SNX9: variants seen among roughly 807,000 people sequenced by gnomAD.
SNX9 encodes the protein sorting nexin 9, also known as sorting nexin-9.
Under a neutral mutation model 89.4 loss-of-function variants are expected in SNX9, and 44 were observed. That is an observed-to-expected ratio of 0.49 (90% CI 0.39 to 0.63). The LOEUF (loss-of-function observed/expected upper bound fraction) is 0.63. SNX9 is among the 30% of genes least tolerant of loss of function. The pLI is 0.00. For missense variants in SNX9, 578 were observed against 736.1 expected (o/e 0.79, Z 2.49); for synonymous variants, 236 against 247.8 (o/e 0.95, Z 0.45).
chr6:157,831,997 A>C (rs1781487107), intron 1 of SNX9, among the ~76,000 whole-genome samples: 1 of 152,200 alleles, frequency 6.6e-6, no homozygotes, highest in South Asian at 2.1e-4. Flanking sequence ...AAGCTGTCAA[A>C]CTGTGGGCAT....
intron 1 of SNX9, among the ~76,000 whole-genome samples, chr6:157,863,713 CAA>C (rs911444197): frequency 6.6e-6 from 1 of 151,952 alleles, no homozygotes; most frequent in Non-Finnish European, 1.5e-5. Context: ...TAGTGGTAGA[CAA>C]GAGGGGTGAG....
chr6:157,904,424 T>A (rs1259707900), intron 6 of SNX9, among the ~76,000 whole-genome samples: 2 of 151,384 alleles, frequency 1.3e-5, no homozygotes, highest in African/African-American at 4.9e-5. Context: ...ACACAGAGAC[T>A]CTGTCTCCAA....
At chr6:157,836,802 C>G (rs9365485) in intron 1 of SNX9, among the ~76,000 whole-genome samples, 2 of 151,810 alleles carry the variant, frequency 1.3e-5, no homozygotes, top group Admixed American at 6.6e-5. Flanking sequence ...CATGTTAGCC[C>G]GGATGGTCTC....
intron 16 of SNX9, among the ~76,000 whole-genome samples, chr6:157,940,217 A>G (rs1784009917): frequency 6.6e-6 from 1 of 152,246 alleles, no homozygotes; most frequent in African/African-American, 2.4e-5. Flanking sequence ...GCTGCCTGCT[A>G]GGTCCAGTGC....
intron 9 of SNX9, among the ~76,000 whole-genome samples, chr6:157,917,475 T>G (rs1048604471): frequency 1.3e-5 from 2 of 152,186 alleles, no homozygotes; most frequent in African/African-American, 4.8e-5. Flanking sequence ...AAAGTCTACC[T>G]TATTGAGTTT....
intron 13 of SNX9, among the ~76,000 whole-genome samples, chr6:157,934,798 T>TA (rs199646870): frequency 5.9e-5 from 9 of 151,522 alleles, no homozygotes; most frequent in East Asian, 1.9e-4. Context: ...ATTTCCTTCT[T>TA]AAAAAAAAAT....
chr6:157,920,836 T>C (rs1476199026), intron 9 of SNX9, among the ~76,000 whole-genome samples: 1 of 152,228 alleles, frequency 6.6e-6, no homozygotes, highest in Non-Finnish European at 1.5e-5. Context: ...TCAAGCTGAC[T>C]TTCTACTTTT....
At chr6:157,915,640 A>AAAATATATATATATATATATATAT (rs1472422303) in intron 9 of SNX9, among the ~76,000 whole-genome samples, 4 of 95,112 alleles carry the variant, frequency 4.2e-5, no homozygotes, top group Admixed American at 9.9e-5. Flanking sequence ...AAAAAAAAAA[A>AAAATATATATATATATATATATAT]ATATATATAT....
chr6:157,836,780 A>G (rs1408480849), intron 1 of SNX9, among the ~76,000 whole-genome samples: 1 of 151,880 alleles, frequency 6.6e-6, no homozygotes, highest in Non-Finnish European at 1.5e-5. Flanking sequence ...TTTAGTAGAG[A>G]CGGGGTTTCA....
At chr6:157,887,689 T>C (rs541039905) in intron 4 of SNX9, among the ~76,000 whole-genome samples, 9 of 152,358 alleles carry the variant, frequency 5.9e-5, no homozygotes, top group South Asian at 4.1e-4. Context: ...TTTGTTTTCA[T>C]TGGGAGCATA....
In SNX9 at chr6:157,834,166, T is replaced by G. The variant is rs1406298226; in HGVS notation, c.12+10720T>G. Among the ~76,000 whole-genome samples the G allele has an allele frequency of 2.2e-3, 249 of 115,684 alleles. 1 individual carries two copies. The highest frequency in any genetic ancestry group is 7.8e-3 in the African/African-American group (230 of 29,336). The allele number at this position is 115,684 out of a possible 152,430, so 75.9% of individuals were successfully genotyped here. A position where few individuals can be genotyped will look rare whatever the true frequency, so the allele number is the denominator to read the frequency against. On this transcript the variant is annotated intron_variant, in intron 1 of 17. Coordinates refer to ENST00000392185, the MANE Select transcript of SNX9 (RefSeq NM_016224.5). ...TCCACTGTGGTTTTTTTTTTTTTTT[T>G]TTTTTTTTTTTTTTTTTTTGAGTCA...
chr6:157,907,209 CATT>C (rs773357624), intron 7 of SNX9, among the ~76,000 whole-genome samples: 7 of 151,840 alleles, frequency 4.6e-5, no homozygotes, highest in Non-Finnish European at 7.4e-5. Flanking sequence ...GAACATGTAC[CATT>C]ATTCTTTTCA....
At chr6:157,873,713 A>T (rs982379994) in intron 3 of SNX9, among the ~76,000 whole-genome samples, 1 of 151,776 alleles carries the variant, frequency 6.6e-6, no homozygotes, top group Non-Finnish European at 1.5e-5. Context: ...AATATTGTTT[A>T]TTGTACAATA....
At chr6:157,891,229 A>C (rs911941645) in intron 4 of SNX9, among the ~76,000 whole-genome samples, 1 of 151,774 alleles carries the variant, frequency 6.6e-6, no homozygotes, top group Non-Finnish European at 1.5e-5. Flanking sequence ...GGGTTTCACC[A>C]TGTTGGCTAG....
intron 1 of SNX9, among the ~76,000 whole-genome samples, chr6:157,851,050 G>A (rs1562594050): frequency 6.6e-6 from 1 of 152,150 alleles, no homozygotes. Flanking sequence ...GAGGCCAGGA[G>A]TTCAAGACCA....
intron 4 of SNX9, among the ~76,000 whole-genome samples, chr6:157,884,792 C>G (rs1323264986): frequency 6.6e-6 from 1 of 152,156 alleles, no homozygotes; most frequent in South Asian, 2.1e-4. Flanking sequence ...AAAATACATG[C>G]TGGTGAAGTT....
At chr6:157,878,229 A>T (rs993398575) in intron 4 of SNX9, among the ~76,000 whole-genome samples, 3 of 152,218 alleles carry the variant, frequency 2.0e-5, no homozygotes, top group Non-Finnish European at 4.4e-5. Context: ...TTTGGTGGTG[A>T]GAAAACGCTT....
intron 1 of SNX9, among the ~76,000 whole-genome samples, chr6:157,844,621 TCTCA>T (rs1781769290): frequency 7.0e-6 from 1 of 142,822 alleles, no homozygotes; most frequent in Non-Finnish European, 1.5e-5. Flanking sequence ...TGAGACAGAG[TCTCA>T]CTCTGTTGCC....
chr6:157,900,707 T>A (rs1277329293), intron 5 of SNX9, among the ~76,000 whole-genome samples: 1 of 152,208 alleles, frequency 6.6e-6, no homozygotes, highest in Non-Finnish European at 1.5e-5. Flanking sequence ...AAGTACAGTA[T>A]ACAGAGATAA....
Sources: allele counts gnomAD v4.1 joint callset (sites outside exome capture counted in the v4.1 genomes callset), GRCh38; gene constraint gnomAD v4.1.1; transcripts MANE v1.5; gene names NCBI Gene and HGNC (gene_info 2026-07-23, HGNC 2026-07-21).